The following MCM9 variants were observed in gnomAD, a reference collection of about 807,000 sequenced individuals.
MCM9 encodes the protein DNA helicase MCM9.
Under a neutral mutation model 72.8 loss-of-function variants are expected in MCM9, and 55 were observed. The ratio of observed to expected loss-of-function variants is 0.76; its 90% CI spans 0.61 to 0.95. The LOEUF (loss-of-function observed/expected upper bound fraction) is 0.95. MCM9 is among the 40% of genes least tolerant of loss of function. The probability of loss-of-function intolerance (pLI) is 0.00; values close to 1 mark genes in which losing one functional copy is unlikely to be tolerated. For missense variants in MCM9, 1,279 were observed against 1,377.0 expected, an observed-to-expected ratio of 0.93 and a Z score of 1.13; for synonymous variants, 480 against 503.4, an observed-to-expected ratio of 0.95 and a Z score of 0.62.
intron 8 of MCM9, among the ~76,000 whole-genome samples, chr6:118,864,758 A>G (rs1777114272): frequency 6.6e-6 from 1 of 152,192 alleles, no homozygotes; most frequent in African/African-American, 2.4e-5. Flanking sequence ...CTGAGAACAA[A>G]GAGGATTAAA....
chr6:118,930,260 G>C (rs185313551), intron 3 of MCM9, among the ~76,000 whole-genome samples: 3 of 151,954 alleles, frequency 2.0e-5, no homozygotes, highest in Non-Finnish European at 4.4e-5. Context: ...ACAGGCGCCC[G>C]CCACCATGCC....
chr6:118,907,328 A>G lies in MCM9; in HGVS notation c.1150+4322T>C. On this transcript the variant is annotated intron_variant, in intron 8 of 13. Coordinates refer to ENST00000619706, the MANE Select transcript of MCM9 (RefSeq NM_017696.3). ...TAGGAGTACTAACATGAACCATTTT[A>G]TTAAGCTTCTATTTGTATATGGTGA... 3.7e-6 allele frequency: 4 copies of G among 1,086,544 alleles called. No individual in the cohort carries two copies. The Middle Eastern group carries it at 7.2e-4, about 196-fold the overall frequency. The allele number at this position is 1,086,544 out of a possible 1,614,324, so 67.3% of individuals were successfully genotyped here.
chr6:118,932,717 A>G lies in MCM9; in HGVS notation c.-126T>C, dbSNP rs1473496096. 1 of 609,690 alleles carries G rather than the reference A, an allele frequency of 1.6e-6. No individual in the cohort carries two copies. Among genetic ancestry groups the G allele is most frequent in the African/African-American group, 2.0e-5 (1 of 50,210 alleles). 37.8% of individuals were successfully genotyped at this position (609,690 alleles called of 1,614,324 possible). A position where few individuals can be genotyped will look rare whatever the true frequency, so the allele number is the denominator to read the frequency against. On this transcript the variant is annotated 5_prime_UTR_variant, in exon 2 of 14. Coordinates refer to ENST00000619706, the MANE Select transcript of MCM9 (RefSeq NM_017696.3). ...TTCTTTCTCTTTCTTACCGTAGGAA[A>G]TCTACTGGGTTCTGCAGAAACAGCT... is the stretch of plus-strand genomic sequence containing the variant.
chr6:118,907,067 T>TC (rs757908454), intron 8 of MCM9, among the ~76,000 whole-genome samples: 38 of 152,204 alleles, frequency 2.5e-4, no homozygotes, highest in Non-Finnish European at 4.6e-4. Flanking sequence ...AGTAGCTTGT[T>TC]AAATAAAGCA....
chr6:118,815,626 T>TA lies in MCM9; in HGVS notation c.2629_2630insT (p.Gln877LeufsTer7). ...GTCTGGGCTATGTACAGGAGTGGAC[T>TA]GAGGATGGGAAGGGACTGTGCACTG... On this transcript the variant is annotated frameshift_variant, in exon 14 of 14. Coordinates refer to ENST00000619706, the MANE Select transcript of MCM9 (RefSeq NM_017696.3). LOFTEE classifies it low-confidence loss of function (END_TRUNC). 6.4e-7 allele frequency: 1 copy of TA among 1,550,486 alleles called. No individual in the cohort carries two copies. Among genetic ancestry groups the TA allele is most frequent in the Non-Finnish European group, 8.7e-7 (1 of 1,146,952 alleles).
intron 8 of MCM9, among the ~76,000 whole-genome samples, chr6:118,866,072 A>G (rs1777199213): frequency 1.3e-5 from 2 of 152,214 alleles, no homozygotes; most frequent in Admixed American, 6.5e-5. Flanking sequence ...ATCTAAGATA[A>G]TCTGGCTCCT....
At chr6:118,848,661 C>T (rs1048352045) in intron 9 of MCM9, among the ~76,000 whole-genome samples, 2 of 149,408 alleles carry the variant, frequency 1.3e-5, no homozygotes, top group Admixed American at 6.6e-5. Flanking sequence ...CAGTGGCTCA[C>T]TCCTGTAATC....
chr6:118,927,762 AT>A (rs1306708401), intron 3 of MCM9, among the ~76,000 whole-genome samples: 1 of 152,194 alleles, frequency 6.6e-6, no homozygotes, highest in Non-Finnish European at 1.5e-5. Context: ...AAGCTGTGTA[AT>A]TTAATTGTAG....
chr6:118,858,916 T>C (rs1294269865), intron 8 of MCM9, among the ~76,000 whole-genome samples: 1 of 152,100 alleles, frequency 6.6e-6, no homozygotes, highest in Non-Finnish European at 1.5e-5. Context: ...TTTTAAAAAA[T>C]AAATAAAGTG....
chr6:118,934,363 G>A (rs1442260039), intron 1 of MCM9: 1 of 152,068 alleles, frequency 6.6e-6, no homozygotes, highest in African/African-American at 2.4e-5. Context: ...TGAATATTTG[G>A]GGTCAAAATA....
chr6:118,872,887 G>A (rs1777695177), intron 8 of MCM9, among the ~76,000 whole-genome samples: 1 of 151,876 alleles, frequency 6.6e-6, no homozygotes, highest in African/African-American at 2.4e-5. Context: ...GAAAACCAGA[G>A]GCCAAGTGGA....
chr6:118,887,004 G>T (rs1378293435), intron 8 of MCM9, among the ~76,000 whole-genome samples: 1 of 152,072 alleles, frequency 6.6e-6, no homozygotes, highest in Non-Finnish European at 1.5e-5. Context: ...ATTACTCAAA[G>T]AAATTAAAGG....
chr6:118,896,041 GTTTTTT>G (rs200142006), intron 8 of MCM9, among the ~76,000 whole-genome samples: 3 of 138,560 alleles, frequency 2.2e-5, no homozygotes, highest in African/African-American at 7.8e-5. Flanking sequence ...ATGTGCCCCC[GTTTTTT>G]TTTTTTTTTT....
chr6:118,921,823 A>G, intron 5 of MCM9, 182 bp downstream of exon 5: 1 of 505,536 alleles, frequency 2.0e-6, no homozygotes, highest in Non-Finnish European at 3.5e-6. Flanking sequence ...CTGCTGTTGT[A>G]TAGATCTAGC....
At chr6:118,926,720 T>A (rs1312197996) in intron 3 of MCM9, among the ~76,000 whole-genome samples, 1 of 152,252 alleles carries the variant, frequency 6.6e-6, no homozygotes, top group Non-Finnish European at 1.5e-5. Context: ...TTGGCTATTA[T>A]GAATAATGCA....
chr6:118,894,390 C>T (rs1361645346), intron 8 of MCM9: 5 of 1,536,880 alleles, frequency 3.3e-6, no homozygotes, highest in African/African-American at 1.4e-5. Context: ...CCCCAGTTCC[C>T]ATTGTTTGTG....
chr6:118,845,892 A>G (rs1279425829), intron 9 of MCM9, among the ~76,000 whole-genome samples: 2 of 151,860 alleles, frequency 1.3e-5, no homozygotes, highest in Non-Finnish European at 2.9e-5. Context: ...TCTTCCTTGT[A>G]CTAATTTTAA....
chr6:118,888,723 C>A (rs1179353285), intron 8 of MCM9, among the ~76,000 whole-genome samples: 1 of 151,974 alleles, frequency 6.6e-6, no homozygotes, highest in African/African-American at 2.4e-5. Flanking sequence ...TATACCTATA[C>A]AATGGAAAAT....
intron 9 of MCM9, among the ~76,000 whole-genome samples, chr6:118,832,381 T>C (rs564876852): frequency 6.6e-6 from 1 of 152,336 alleles, no homozygotes; most frequent in South Asian, 2.1e-4. Context: ...TCCTACTAAA[T>C]GTGGTCTTCC....
Sources: gnomAD v4.1 joint callset for allele counts (sites outside exome capture counted in the v4.1 genomes callset) on GRCh38, gnomAD v4.1.1 for gene constraint, MANE v1.5 for transcripts, NCBI Gene and HGNC (gene_info 2026-07-23, HGNC 2026-07-21) for gene names.